Variants in CLDN14 observed in about 807,000 individuals in gnomAD.
CLDN14 encodes the protein claudin-14.
A neutral mutation model predicts 2.1 loss-of-function variants in CLDN14; 2 were observed. The ratio of observed to expected loss-of-function variants is 0.96; its 90% CI spans 0.39 to 3.01. The LOEUF (loss-of-function observed/expected upper bound fraction) is 3.01. Among genes scored for constraint, CLDN14 ranks in the 30% most tolerant of loss-of-function variants. The pLI is 0.09. For missense variants in CLDN14, 298 were observed against 328.0 expected (o/e 0.91, Z 0.71); for synonymous variants, 136 against 154.4 (o/e 0.88, Z 0.88).
At chr21:36,517,928 C>A (rs1256047753) in intron 1 of CLDN14, among the ~76,000 whole-genome samples, 2 of 152,318 alleles carry the variant, frequency 1.3e-5, no homozygotes, top group East Asian at 3.9e-4. Context: ...GCAAGAAAGA[C>A]TTCTGCCTGC....
intron 1 of CLDN14, among the ~76,000 whole-genome samples, chr21:36,523,781 GAGAAAGAAAGAA>G (rs56772352): frequency 0.15 from 5,616 of 38,372 alleles, 875 homozygotes; most frequent in East Asian, 0.34. Context: ...GAGAGAAAGA[GAGAAAGAAAGAA>G]AGAAAGAAAG....
Position 36,551,151 on chromosome 21 carries a change from C to T in CLDN14, c.-220+25260G>A, listed in dbSNP as rs1421914335. Among the ~76,000 whole-genome samples, 3 of 152,190 alleles carry T rather than the reference C, an allele frequency of 2.0e-5. No homozygotes were observed. Among genetic ancestry groups the T allele is most frequent in the East Asian group, 3.8e-4 (2 of 5,198 alleles). ...CAGAAGGAACCAGCCCTTCCTACCC[C>T]GCAATTTCGGACTTCCTGTTCCCAG... On this transcript the variant is annotated intron_variant, in intron 1 of 2. Transcript: ENST00000342108. This position sits in a 1 kb window ranked among gnomAD's most constrained non-coding sequence, Gnocchi z 4.8.
rs181684861 is a variant in CLDN14 at position 36,498,610 on chromosome 21, C to T, written c.-82+11753G>A. On this transcript the variant is annotated intron_variant, in intron 2 of 2. Coordinates refer to the CLDN14 transcript ENST00000342108. The surrounding 1 kb of genome is among the most constrained non-coding windows in gnomAD (Gnocchi z 4.9). Reference sequence around the variant, plus strand: ...TGAGCACTGTTGCAGGCGATGGGGACGTGGAACTGGTAGGACCGATGGCTA... The same window carrying T: ...TGAGCACTGTTGCAGGCGATGGGGATGTGGAACTGGTAGGACCGATGGCTA... 9.2e-5 allele frequency among the ~76,000 whole-genome samples: 14 copies of T among 152,256 alleles called. No individual in the cohort carries two copies. The highest frequency in any genetic ancestry group is 3.9e-4 in the East Asian group (2 of 5,188).
At chr21:36,526,910 C>A (rs754486728) in intron 1 of CLDN14, among the ~76,000 whole-genome samples, 1 of 152,194 alleles carries the variant, frequency 6.6e-6, no homozygotes, top group Admixed American at 6.5e-5. Context: ...GCCCACCTCC[C>A]GAGACGGGGA....
intron 1 of CLDN14, among the ~76,000 whole-genome samples, chr21:36,518,617 A>G (rs1027582827): frequency 6.6e-6 from 1 of 151,644 alleles, no homozygotes; most frequent in Non-Finnish European, 1.5e-5. Context: ...AAACAAACAA[A>G]CAACAACAAC....
chr21:36,499,898 G>A lies in CLDN14; in HGVS notation c.-82+10465C>T, dbSNP rs1047725825. 2.6e-5 allele frequency among the ~76,000 whole-genome samples: 4 copies of A among 152,108 alleles called. No individual in the cohort carries two copies. Among genetic ancestry groups the A allele is most frequent in the African/African-American group, 9.7e-5 (4 of 41,424 alleles). On this transcript the variant is annotated intron_variant, in intron 2 of 2. Coordinates refer to the CLDN14 transcript ENST00000342108. The surrounding 1 kb of genome is among the most constrained non-coding windows in gnomAD (Gnocchi z 4.7). ...CAGGGGGCTGGTGGAGAAAATCGGG[G>A]GGTCTCCGGAGCAACCCCGGGAGCA...
At chr21:36,488,220 C>CCCTCCTTCCTTCCTTCCTTCCTT (rs2086917732) in intron 2 of CLDN14, among the ~76,000 whole-genome samples, 1 of 97,238 alleles carries the variant, frequency 1.0e-5, no homozygotes, top group African/African-American at 4.2e-5. Context: ...ACTGTGATTC[C>CCCTCCTTCCTTCCTTCCTTCCTT]CCTTCCTTCC....
intron 1 of CLDN14, among the ~76,000 whole-genome samples, chr21:36,512,527 C>T (rs1360111825): frequency 6.6e-6 from 1 of 152,058 alleles, no homozygotes; most frequent in African/African-American, 2.4e-5. Context: ...AAATACAAGA[C>T]AATAGAATAT....
At chr21:36,548,174 G>GC (rs1358266575) in intron 1 of CLDN14, among the ~76,000 whole-genome samples, 2 of 151,270 alleles carry the variant, frequency 1.3e-5, no homozygotes, top group Non-Finnish European at 2.9e-5. Flanking sequence ...CCTCCAGGAA[G>GC]CCCCCCTTCC....
chr21:36,550,683 G>T (rs1289189019), intron 1 of CLDN14, among the ~76,000 whole-genome samples: 1 of 152,124 alleles, frequency 6.6e-6, no homozygotes, highest in Non-Finnish European at 1.5e-5. Flanking sequence ...GCCTTCTCTA[G>T]TTCTTGGAGA....
chr21:36,521,560 A>T (rs901111572), intron 1 of CLDN14, among the ~76,000 whole-genome samples: 1 of 152,212 alleles, frequency 6.6e-6, no homozygotes, highest in Non-Finnish European at 1.5e-5. Context: ...GAAAATCCTG[A>T]AATTGAGTCC....
At chr21:36,556,286 G>T (rs556586527) in intron 1 of CLDN14, among the ~76,000 whole-genome samples, 5 of 152,240 alleles carry the variant, frequency 3.3e-5, no homozygotes, top group African/African-American at 1.2e-4. Flanking sequence ...TCTAATTATA[G>T]CAGATTCACC....
At chr21:36,511,676 T>C (rs1262008301) in intron 1 of CLDN14, among the ~76,000 whole-genome samples, 1 of 152,064 alleles carries the variant, frequency 6.6e-6, no homozygotes, top group African/African-American at 2.4e-5. Flanking sequence ...AATGGTAATT[T>C]TTTTCTTAGC....
intron 2 of CLDN14, chr21:36,486,963 A>C (rs1601605199): frequency 2.2e-6 from 1 of 461,142 alleles, no homozygotes; most frequent in Non-Finnish European, 4.1e-6. Flanking sequence ...TGTTGTTCTC[A>C]GGGTTGCTGT....
intron 1 of CLDN14, among the ~76,000 whole-genome samples, chr21:36,537,605 C>CATTTACAATTTACA (rs151277414): frequency 6.7e-6 from 1 of 149,498 alleles, no homozygotes; most frequent in South Asian, 2.1e-4. Flanking sequence ...GTATCATGAT[C>CATTTACAATTTACA]ATTTACAATT....
chr21:36,506,618 A>G (rs758145222), intron 2 of CLDN14, among the ~76,000 whole-genome samples: 1 of 151,328 alleles, frequency 6.6e-6, no homozygotes, highest in Non-Finnish European at 1.5e-5. Context: ...AAAAAGAAAG[A>G]ACAAATGCAT....
At chr21:36,490,194 C>A (rs2086946291) in intron 2 of CLDN14, among the ~76,000 whole-genome samples, 1 of 152,040 alleles carries the variant, frequency 6.6e-6, no homozygotes, top group Non-Finnish European at 1.5e-5. Flanking sequence ...TTATTTTATT[C>A]TATTTAACTT....
At chr21:36,474,298 A>G (rs921445347) in intron 1 of CLDN14, among the ~76,000 whole-genome samples, 16 of 152,222 alleles carry the variant, frequency 1.1e-4, no homozygotes, top group Admixed American at 3.9e-4. Flanking sequence ...TTAATCAGCA[A>G]TAGAGACCAT....
chr21:36,504,805 G>A (rs2087117475), intron 2 of CLDN14, among the ~76,000 whole-genome samples: 1 of 152,188 alleles, frequency 6.6e-6, no homozygotes, highest in Admixed American at 6.5e-5. Flanking sequence ...AAACTTGAAG[G>A]AAAGAGTATG....
Sources: allele counts gnomAD v4.1 joint callset (sites outside exome capture counted in the v4.1 genomes callset), GRCh38; gene constraint gnomAD v4.1.1; non-coding constraint Gnocchi (gnomAD v3.1); transcripts MANE v1.5; gene names NCBI Gene and HGNC (gene_info 2026-07-23, HGNC 2026-07-21).